Variants in NWD2 observed in about 807,000 individuals in gnomAD.
The protein encoded by NWD2 is NACHT and WD repeat domain containing 2, also known as NACHT and WD repeat domain-containing protein 2.
Under a neutral mutation model 132.7 loss-of-function variants are expected in NWD2, and 37 were observed. The ratio of observed to expected loss-of-function variants is 0.28; its 90% CI spans 0.21 to 0.37. The LOEUF is 0.37. NWD2 is among the 10% of genes least tolerant of loss of function. The probability of loss-of-function intolerance (pLI) is 1.00; values close to 1 mark genes in which losing one functional copy is unlikely to be tolerated. For synonymous variants in NWD2, 705 were observed against 803.0 expected (o/e 0.88, Z 2.06); for missense variants, 1,592 against 2,122.4 (o/e 0.75, Z 4.91).
intron 3 of NWD2, among the ~76,000 whole-genome samples, 172 bp from the exon 4 acceptor site, chr4:37,430,400 G>T (rs143717599): frequency 2.0e-5 from 3 of 152,286 alleles, no homozygotes; most frequent in African/African-American, 7.2e-5. Flanking sequence ...TAATATAGTT[G>T]ATCTAATTTT....
intron 4 of NWD2, among the ~76,000 whole-genome samples, chr4:37,432,708 A>C (rs1319259268): frequency 6.6e-6 from 1 of 152,172 alleles, no homozygotes; most frequent in Non-Finnish European, 1.5e-5. Context: ...TTAACATCTT[A>C]AACAGTTCAT....
intron 1 of NWD2, among the ~76,000 whole-genome samples, chr4:37,249,677 A>T (rs1270270111): frequency 6.6e-6 from 1 of 152,222 alleles, no homozygotes; most frequent in Non-Finnish European, 1.5e-5. Context: ...GCAAAAAGAT[A>T]TCTGAAGTGG....
intron 1 of NWD2, among the ~76,000 whole-genome samples, chr4:37,265,100 C>A (rs1717721961): frequency 2.0e-5 from 3 of 151,990 alleles, no homozygotes. Context: ...GTAAAAAACT[C>A]CCCAAAAAGC....
Position 37,447,584 on chromosome 4 carries a change from G to T in NWD2, c.*367G>T. On this transcript the variant is annotated 3_prime_UTR_variant, in exon 7 of 7. Coordinates refer to ENST00000309447, the MANE Select transcript of NWD2 (RefSeq NM_001144990.2). ...ATGGGAATTAGTTCTACAAAAATCA[G>T]CTGAAATCATGAAGACAAAGAGCTG... 4.8e-6 allele frequency: 1 copy of T among 209,746 alleles called. No homozygotes were observed. The highest frequency in any genetic ancestry group is 9.7e-6 in the Non-Finnish European group (1 of 103,454). The allele number at this position is 209,746 out of a possible 1,614,324, so 13.0% of individuals were successfully genotyped here. A position where few individuals can be genotyped will look rare whatever the true frequency, so the allele number is the denominator to read the frequency against.
chr4:37,250,148 A>ATG (rs1717328073), intron 1 of NWD2, among the ~76,000 whole-genome samples: 1 of 129,878 alleles, frequency 7.7e-6, no homozygotes, highest in East Asian at 3.0e-4. Context: ...AAAAGCATAT[A>ATG]TGTGTGTGTA....
At chr4:37,438,287 T>A (rs931216444) in intron 5 of NWD2, among the ~76,000 whole-genome samples, 4 of 151,334 alleles carry the variant, frequency 2.6e-5, no homozygotes, top group Non-Finnish European at 4.4e-5. Flanking sequence ...GAAAAAAAAA[T>A]TTGCTTTTAT....
chr4:37,272,797 G>A (rs1717899508), intron 1 of NWD2, among the ~76,000 whole-genome samples: 1 of 151,476 alleles, frequency 6.6e-6, no homozygotes, highest in East Asian at 1.9e-4. Flanking sequence ...TACTTGTGCT[G>A]GGTTTAATTT....
At chr4:37,303,101 T>A (rs1226739146) in intron 1 of NWD2, among the ~76,000 whole-genome samples, 1 of 152,216 alleles carries the variant, frequency 6.6e-6, no homozygotes, top group Non-Finnish European at 1.5e-5. Context: ...TACATTTTAA[T>A]CTATCTTGAG....
At chr4:37,282,589 A>ATCAC (rs1718150487) in intron 1 of NWD2, among the ~76,000 whole-genome samples, 1 of 152,206 alleles carries the variant, frequency 6.6e-6, no homozygotes, top group Non-Finnish European at 1.5e-5. Context: ...CCACAGTTCC[A>ATCAC]TCACTCATAT....
At chr4:37,289,124 C>T (rs1161751400) in intron 1 of NWD2, among the ~76,000 whole-genome samples, 1 of 152,084 alleles carries the variant, frequency 6.6e-6, no homozygotes, top group Non-Finnish European at 1.5e-5. Context: ...TTGTCAGTGA[C>T]TTCTCATAAT....
chr4:37,281,272 C>G (rs1160879577), intron 1 of NWD2, among the ~76,000 whole-genome samples: 2 of 152,132 alleles, frequency 1.3e-5, no homozygotes, highest in African/African-American at 4.8e-5. Flanking sequence ...CCTCGTGTGA[C>G]AGTTTGTGGT....
At chr4:37,424,676 A>G (rs139680073) in intron 3 of NWD2, among the ~76,000 whole-genome samples, 52 of 152,216 alleles carry the variant, frequency 3.4e-4, no homozygotes, top group South Asian at 6.2e-4. Flanking sequence ...CAGCTCTCCC[A>G]TGAGCAATGG....
intron 1 of NWD2, among the ~76,000 whole-genome samples, chr4:37,314,423 A>G (rs1718916671): frequency 6.6e-6 from 1 of 152,186 alleles, no homozygotes; most frequent in South Asian, 2.1e-4. Flanking sequence ...TTATGGAAAG[A>G]TTTTAATAAC....
chr4:37,320,691 A>C (rs1719051620), intron 1 of NWD2, among the ~76,000 whole-genome samples: 1 of 152,204 alleles, frequency 6.6e-6, no homozygotes, highest in Non-Finnish European at 1.5e-5. Flanking sequence ...ACACAACCCC[A>C]GAAGTCGAAC....
chr4:37,427,626 T>C (rs935951077), intron 3 of NWD2, among the ~76,000 whole-genome samples: 5 of 152,186 alleles, frequency 3.3e-5, no homozygotes, highest in African/African-American at 1.2e-4. Flanking sequence ...ATACCAATAA[T>C]GTGGCATCCC....
chr4:37,324,860 A>G (rs760693881), intron 1 of NWD2, among the ~76,000 whole-genome samples: 1 of 152,200 alleles, frequency 6.6e-6, no homozygotes, highest in Non-Finnish European at 1.5e-5. Flanking sequence ...GAGTAGGTCA[A>G]CACGGCATAT....
intron 3 of NWD2, among the ~76,000 whole-genome samples, chr4:37,358,253 T>C (rs546488742): frequency 6.6e-6 from 1 of 152,064 alleles, no homozygotes; most frequent in Non-Finnish European, 1.5e-5. Context: ...ACTTGTATTT[T>C]AAGCATGGCC....
intron 2 of NWD2, among the ~76,000 whole-genome samples, chr4:37,345,723 T>C (rs1719621238): frequency 2.6e-5 from 4 of 152,206 alleles, no homozygotes; most frequent in African/African-American, 9.7e-5. Flanking sequence ...CAATTTATTT[T>C]TTCTTTGGTT....
chr4:37,425,557 A>G (rs1711976238), intron 3 of NWD2, among the ~76,000 whole-genome samples: 3 of 152,216 alleles, frequency 2.0e-5, no homozygotes, highest in Admixed American at 1.3e-4. Flanking sequence ...TGTTTAAACT[A>G]TTCAATAAAA....
Sources: allele counts gnomAD v4.1 joint callset (sites outside exome capture counted in the v4.1 genomes callset), GRCh38; gene constraint gnomAD v4.1.1; transcripts MANE v1.5; gene names NCBI Gene and HGNC (gene_info 2026-07-23, HGNC 2026-07-21).